The following BAZ1A variants were observed in gnomAD, a reference collection of about 807,000 sequenced individuals.
The protein encoded by BAZ1A is bromodomain adjacent to zinc finger domain protein 1A.
BAZ1A carries 50 observed loss-of-function variants against 185.2 expected under a neutral mutation model. That is an observed-to-expected ratio of 0.27 (90% CI 0.22 to 0.34). The LOEUF (loss-of-function observed/expected upper bound fraction) is 0.34. Among genes scored for constraint, BAZ1A ranks in the 10% least tolerant of loss-of-function variants. The probability of loss-of-function intolerance (pLI) is 1.00; values close to 1 mark genes in which losing one functional copy is unlikely to be tolerated. For synonymous variants in BAZ1A, 571 were observed against 615.6 expected (o/e 0.93, Z 1.07); for missense variants, 1,356 against 1,839.9 (o/e 0.74, Z 4.81).
intron 4 of BAZ1A, among the ~76,000 whole-genome samples, chr14:34,821,877 C>T (rs897065090): frequency 7.2e-5 from 11 of 151,734 alleles, no homozygotes; most frequent in Admixed American, 5.3e-4. Context: ...CCAGCTACTC[C>T]GGAGGCTGAG....
chr14:34,774,253 A>G, intron 19 of BAZ1A, 74 bp downstream of exon 19: 1 of 1,283,694 alleles, frequency 7.8e-7, no homozygotes, highest in Non-Finnish European at 1.1e-6. Context: ...TGTCTATGCC[A>G]TATAATTAAC....
chr14:34,791,017 G>T (rs891359031), intron 12 of BAZ1A, among the ~76,000 whole-genome samples: 3 of 152,070 alleles, frequency 2.0e-5, no homozygotes, highest in African/African-American at 7.2e-5. Context: ...AGCTACTCAG[G>T]AGGCTGAGAC....
intron 5 of BAZ1A, among the ~76,000 whole-genome samples, chr14:34,810,465 T>TA (rs1175232079): frequency 6.6e-6 from 1 of 152,242 alleles, no homozygotes; most frequent in Non-Finnish European, 1.5e-5. Context: ...AATGTTTGTC[T>TA]AATGAATACT....
intron 4 of BAZ1A, among the ~76,000 whole-genome samples, chr14:34,812,152 T>C (rs1452156482): frequency 6.6e-6 from 1 of 151,912 alleles, no homozygotes; most frequent in East Asian, 1.9e-4. Flanking sequence ...GGAGCCATTA[T>C]TTTATACAGA....
At chr14:34,779,503 C>T (rs1258784708) in intron 17 of BAZ1A, among the ~76,000 whole-genome samples, 1 of 151,866 alleles carries the variant, frequency 6.6e-6, no homozygotes, top group African/African-American at 2.4e-5. Flanking sequence ...AATACAGCTT[C>T]CATGATACAG....
intron 3 of BAZ1A, among the ~76,000 whole-genome samples, chr14:34,826,844 T>A (rs1460125146): frequency 6.6e-6 from 1 of 152,198 alleles, no homozygotes; most frequent in Non-Finnish European, 1.5e-5. Flanking sequence ...AAGAGTGCTG[T>A]GTGAGTCAGT....
chr14:34,761,185 G>A lies in BAZ1A; in HGVS notation c.4243+572C>T, dbSNP rs1050381964. 5.3e-5 allele frequency among the ~76,000 whole-genome samples: 8 copies of A among 152,206 alleles called. 1 individual carries two copies. The East Asian group carries it at 1.5e-3, about 29-fold the overall frequency. ...CCTGCTACTCGAGAGGCTGAGGCAG[G>A]AGAATCGCTTGAACCCAGGAGGCAG... On this transcript the variant is annotated intron_variant, in intron 24 of 26. Transcript: ENST00000360310.
intron 2 of BAZ1A, among the ~76,000 whole-genome samples, chr14:34,871,457 G>T (rs2042947210): frequency 1.3e-5 from 2 of 152,234 alleles, no homozygotes; most frequent in Non-Finnish European, 2.9e-5. Flanking sequence ...GAAAAAGCAG[G>T]TCAATCAAGA....
intron 24 of BAZ1A, among the ~76,000 whole-genome samples, chr14:34,760,147 C>G (rs897277433): frequency 2.6e-5 from 4 of 151,882 alleles, no homozygotes; most frequent in African/African-American, 4.8e-5. Context: ...TAGGTCCACA[C>G]ATTTCCCCTT....
Position 34,812,575 on chromosome 14 carries a change from T to C in BAZ1A, c.537-1539A>G, listed in dbSNP as rs190188818. On this transcript the variant is annotated intron_variant, in intron 4 of 26. Transcript: ENST00000360310. ...ACAGGAATACCAGTTAGAAAGCTAC[T>C]GAGAACTGATTGCAGCATGGACTTA... Among the ~76,000 whole-genome samples the C allele has an allele frequency of 9.2e-5, 14 of 152,220 alleles. No individual in the cohort carries two copies. The East Asian group carries it at 2.7e-3, about 29-fold the overall frequency.
intron 3 of BAZ1A, among the ~76,000 whole-genome samples, chr14:34,848,252 T>A (rs987262052): frequency 6.6e-6 from 1 of 152,202 alleles, no homozygotes; most frequent in Non-Finnish European, 1.5e-5. Context: ...GCTGAATAGT[T>A]AAGAGCCCTA....
chr14:34,774,258 A>G, intron 19 of BAZ1A, 69 bp downstream of exon 19: 1 of 1,346,836 alleles, frequency 7.4e-7, no homozygotes, highest in Non-Finnish European at 1.0e-6. Flanking sequence ...ATGCCATATA[A>G]TTAACAAATA....
chr14:34,874,433 G>A lies in BAZ1A; in HGVS notation c.113+59C>T, dbSNP rs1024199895. 6.8e-7 allele frequency: 1 copy of A among 1,466,126 alleles called. No homozygotes were observed. Among genetic ancestry groups the A allele is most frequent in the Non-Finnish European group, 9.5e-7 (1 of 1,049,842 alleles). The allele number at this position is 1,466,126 out of a possible 1,614,324, so 90.8% of individuals were successfully genotyped here. A position where few individuals can be genotyped will look rare whatever the true frequency, so the allele number is the denominator to read the frequency against. On this transcript the variant is annotated intron_variant, in intron 2 of 26. Transcript: ENST00000360310. This position sits in a 1 kb window ranked among gnomAD's most constrained non-coding sequence, Gnocchi z 4.7. ...GGCGAGGAAAAGGAGAGAGACAAAA[G>A]AGCGCTGCGGGGGGAGTCCCCACAC...
At position 34,758,985 on chromosome 14, in the gene BAZ1A, G is replaced by A. The variant is rs911759813; in HGVS notation, c.4244-139C>T. On this transcript the variant is annotated intron_variant, in intron 24 of 26. Coordinates refer to ENST00000360310, the MANE Select transcript of BAZ1A (RefSeq NM_013448.3). ...CTGAGATGTTAACTATTTTCTGGGA[G>A]ATATGAAAATTCAACCAAAATAGGA... 8.4e-6 allele frequency: 7 copies of A among 833,874 alleles called. No homozygotes were observed. The Admixed American group carries it at 9.5e-5, about 11-fold the overall frequency. 51.7% of individuals were successfully genotyped at this position (833,874 alleles called of 1,614,324 possible).
At position 34,834,954 on chromosome 14, in the gene BAZ1A, C is replaced by CTA. The variant is rs2042305102; in HGVS notation, c.393-8799_393-8798insTA. 2.9e-4 allele frequency among the ~76,000 whole-genome samples: 44 copies of CTA among 150,768 alleles called. 1 individual carries two copies. The highest frequency in any genetic ancestry group is 1.0e-3 in the African/African-American group (41 of 40,050). On this transcript the variant is annotated intron_variant, in intron 3 of 26. Transcript: ENST00000360310. Reference sequence around the variant, plus strand: ...ATTAAGAGTCCTTACCATTAGCATTCATGTGTGCCAGATTAAATATGTAAT... The same window carrying CTA: ...ATTAAGAGTCCTTACCATTAGCATTCTAATGTGTGCCAGATTAAATATGTAAT...
chr14:34,764,581 C>T (rs552269657), intron 23 of BAZ1A, 126 bp downstream of exon 23: 27 of 1,293,072 alleles, frequency 2.1e-5, no homozygotes, highest in African/African-American at 3.0e-5. Context: ...CATAAGCTAC[C>T]GTGTCCAGCC....
At position 34,875,331 on chromosome 14, in the gene BAZ1A, G is replaced by A. The variant is rs1425522851; in HGVS notation, c.-252C>T. On this transcript the variant is annotated 5_prime_UTR_variant, in exon 1 of 27. Coordinates refer to ENST00000360310, the MANE Select transcript of BAZ1A (RefSeq NM_013448.3). ...CTTCCCCGCCTCTCGGAGCTCCTGG[G>A]AAGTTTCTGATCTACTTTCGGCTCT... is the stretch of plus-strand genomic sequence containing the variant. The A allele has an allele frequency of 4.4e-6, 2 of 456,102 alleles. No individual in the cohort carries two copies. Among genetic ancestry groups the A allele is most frequent in the South Asian group, 1.5e-5 (1 of 64,570 alleles). The allele number at this position is 456,102 out of a possible 1,614,324, so 28.3% of individuals were successfully genotyped here. A position where few individuals can be genotyped will look rare whatever the true frequency, so the allele number is the denominator to read the frequency against.
At chr14:34,760,546 C>A (rs1334198862) in intron 24 of BAZ1A, among the ~76,000 whole-genome samples, 4 of 127,952 alleles carry the variant, frequency 3.1e-5, no homozygotes, top group South Asian at 2.9e-4. Flanking sequence ...ATTTAAAAAA[C>A]AACAACAAAA....
intron 3 of BAZ1A, among the ~76,000 whole-genome samples, chr14:34,858,824 G>A (rs2138811108): frequency 6.6e-6 from 1 of 152,302 alleles, no homozygotes. Flanking sequence ...AGGCTTCAAT[G>A]AAAGTGATAT....
Sources: allele counts gnomAD v4.1 joint callset (sites outside exome capture counted in the v4.1 genomes callset), GRCh38; gene constraint gnomAD v4.1.1; non-coding constraint Gnocchi (gnomAD v3.1); transcripts MANE v1.5; gene names NCBI Gene and HGNC (gene_info 2026-07-23, HGNC 2026-07-21).